Variants in DCLK2 observed in about 807,000 individuals in gnomAD.
DCLK2 encodes doublecortin like kinase 2, also known as serine/threonine-protein kinase DCLK2.
DCLK2 carries 31 observed loss-of-function variants against 78.4 expected under a neutral mutation model. That is an observed-to-expected ratio of 0.40 (90% CI 0.30 to 0.53). The LOEUF is 0.53. DCLK2 is among the 20% of genes least tolerant of loss of function. The pLI, the probability that DCLK2 is intolerant of heterozygous loss-of-function variation, is 0.61. For missense variants in DCLK2, 872 were observed against 973.7 expected, an observed-to-expected ratio of 0.90 and a Z score of 1.39; for synonymous variants, 407 against 374.9, an observed-to-expected ratio of 1.09 and a Z score of -0.99.
intron 2 of DCLK2, among the ~76,000 whole-genome samples, chr4:150,160,314 G>A (rs770978065): frequency 5.9e-5 from 9 of 152,132 alleles, no homozygotes; most frequent in African/African-American, 1.2e-4. Context: ...CACCATGCCC[G>A]ATTTTGATGA....
At chr4:150,252,241 A>ACTG (rs1327621431) in intron 15 of DCLK2, among the ~76,000 whole-genome samples, 1 of 152,228 alleles carries the variant, frequency 6.6e-6, no homozygotes, top group African/African-American at 2.4e-5. Flanking sequence ...CTTGCTGTGC[A>ACTG]CTGCGTTGTA....
At chr4:150,096,638 A>C (rs937864012) in intron 1 of DCLK2, among the ~76,000 whole-genome samples, 3 of 152,220 alleles carry the variant, frequency 2.0e-5, no homozygotes, top group Non-Finnish European at 4.4e-5. Context: ...AAGGATTTGC[A>C]TGAAGAGGAT....
In DCLK2 at chr4:150,111,664, G is replaced by A. The variant is rs562244190; in HGVS notation, c.756+8852G>A. On this transcript the variant is annotated intron_variant, in intron 2 of 15. Coordinates refer to ENST00000296550, the MANE Select transcript of DCLK2 (RefSeq NM_001040260.4). ...TTGAGTTGATTTTTGTATATGGTAA[G>A]GGGTAGGGAATCCAGTTTCATTCTT... 3.3e-5 allele frequency among the ~76,000 whole-genome samples: 5 copies of A among 152,166 alleles called. No homozygotes were observed. In the East Asian group the frequency reaches 9.6e-4, roughly 29 times the overall value.
At chr4:150,172,406 A>C (rs555476704) in intron 2 of DCLK2, among the ~76,000 whole-genome samples, 1 of 152,020 alleles carries the variant, frequency 6.6e-6, no homozygotes, top group Admixed American at 6.6e-5. Context: ...GATTGAGACC[A>C]TCCTGGCTAA....
Position 150,117,859 on chromosome 4 carries a change from G to A in DCLK2, c.756+15047G>A, listed in dbSNP as rs1266598795. On this transcript the variant is annotated intron_variant, in intron 2 of 15. Coordinates refer to ENST00000296550, the MANE Select transcript of DCLK2 (RefSeq NM_001040260.4). ...GTTGCTTCTTGGAAAAAAGTTCACA[G>A]CATGAATCACCACACACTATTTTGT... Among the ~76,000 whole-genome samples the A allele has an allele frequency of 2.0e-5, 3 of 152,306 alleles. 1 individual carries two copies. The highest frequency in any genetic ancestry group is 6.5e-5 in the Admixed American group (1 of 15,288).
At chr4:150,142,184 C>T (rs530779261) in intron 2 of DCLK2, among the ~76,000 whole-genome samples, 43 of 152,242 alleles carry the variant, frequency 2.8e-4, no homozygotes, top group African/African-American at 1.0e-3. Context: ...TTTTATGAAT[C>T]TCTCATTCAT....
intron 1 of DCLK2, 126 bp downstream of exon 1, chr4:150,079,574 G>C (rs1404432304): frequency 1.0e-6 from 1 of 997,922 alleles, no homozygotes; most frequent in Non-Finnish European, 1.4e-6. Flanking sequence ...GCTTCTGTCT[G>C]CTTCTCTAGA....
At chr4:150,146,732 G>A (rs1033467288) in intron 2 of DCLK2, among the ~76,000 whole-genome samples, 6 of 152,182 alleles carry the variant, frequency 3.9e-5, no homozygotes, top group Non-Finnish European at 7.3e-5. Flanking sequence ...TACTATTAAA[G>A]AATCCTCAGA....
chr4:150,253,607 A>T (rs1744344596), intron 15 of DCLK2: 9 of 1,285,714 alleles, frequency 7.0e-6, no homozygotes, highest in Non-Finnish European at 8.1e-6. Context: ...AGCCCCTCTC[A>T]CGCCTGCATG....
chr4:150,197,266 A>C (rs1739115074), intron 3 of DCLK2, among the ~76,000 whole-genome samples: 1 of 152,226 alleles, frequency 6.6e-6, no homozygotes, highest in Non-Finnish European at 1.5e-5. Context: ...AGAGTCCCAT[A>C]CCCTTTTAAA....
chr4:150,164,131 G>T (rs1220805800), intron 2 of DCLK2, among the ~76,000 whole-genome samples: 1 of 152,194 alleles, frequency 6.6e-6, no homozygotes, highest in African/African-American at 2.4e-5. Flanking sequence ...ATATAAAGTT[G>T]ACCCTCAGTT....
At chr4:150,177,573 A>T (rs1266597260) in intron 2 of DCLK2, among the ~76,000 whole-genome samples, 1 of 152,212 alleles carries the variant, frequency 6.6e-6, no homozygotes, top group Non-Finnish European at 1.5e-5. Context: ...AAGGGTATAA[A>T]GAATTTATCT....
intron 2 of DCLK2, among the ~76,000 whole-genome samples, chr4:150,167,783 G>A (rs1009785157): frequency 1.3e-5 from 2 of 152,196 alleles, no homozygotes; most frequent in African/African-American, 4.8e-5. Context: ...TTCCCCATAA[G>A]ATCTCGGAAG....
At chr4:150,211,829 C>G (rs1194761570) in intron 5 of DCLK2, among the ~76,000 whole-genome samples, 1 of 152,130 alleles carries the variant, frequency 6.6e-6, no homozygotes, top group Non-Finnish European at 1.5e-5. Flanking sequence ...ATCTTCTGTT[C>G]CCTCTGTGCA....
chr4:150,085,776 A>G (rs1729593426), intron 1 of DCLK2, among the ~76,000 whole-genome samples: 2 of 152,186 alleles, frequency 1.3e-5, no homozygotes, highest in African/African-American at 4.8e-5. Flanking sequence ...CATATCTGTT[A>G]GCACCTTGAT....
At chr4:150,239,545 G>A (rs969411460) in intron 10 of DCLK2, among the ~76,000 whole-genome samples, 197 bp from the exon 11 acceptor site, 1 of 151,960 alleles carries the variant, frequency 6.6e-6, no homozygotes, top group Non-Finnish European at 1.5e-5. Flanking sequence ...AGGCTGCAGT[G>A]AGCTGTGGTC....
chr4:150,210,720 G>A (rs1269935786), intron 5 of DCLK2, among the ~76,000 whole-genome samples: 1 of 152,064 alleles, frequency 6.6e-6, no homozygotes, highest in Non-Finnish European at 1.5e-5. Flanking sequence ...GGCCGAGGTG[G>A]GTGGATCACC....
At chr4:150,228,983 G>A (rs1490648783) in intron 8 of DCLK2, among the ~76,000 whole-genome samples, 2 of 150,744 alleles carry the variant, frequency 1.3e-5, no homozygotes, top group Non-Finnish European at 3.0e-5. Flanking sequence ...CCGAGATTGC[G>A]CCACTGCAGT....
chr4:150,122,668 G>A (rs1362970404), intron 2 of DCLK2, among the ~76,000 whole-genome samples: 4 of 152,284 alleles, frequency 2.6e-5, no homozygotes, highest in African/African-American at 9.6e-5. Context: ...CGGGTTGATA[G>A]GTGCAGCAAA....
Sources: allele counts gnomAD v4.1 joint callset (sites outside exome capture counted in the v4.1 genomes callset), GRCh38; gene constraint gnomAD v4.1.1; transcripts MANE v1.5; gene names NCBI Gene and HGNC (gene_info 2026-07-23, HGNC 2026-07-21).